The following MCM9 variants were observed in gnomAD, a reference collection of about 807,000 sequenced individuals.
MCM9 encodes minichromosome maintenance 9 homologous recombination repair factor.
In MCM9, 55 loss-of-function variants were observed where a neutral mutation model predicts 72.8. The ratio of observed to expected loss-of-function variants is 0.76; its 90% CI spans 0.61 to 0.95. The LOEUF is 0.95. MCM9 is among the 40% of genes least tolerant of loss of function. The pLI is 0.00. For missense variants in MCM9, 1,279 were observed against 1,377.0 expected, an observed-to-expected ratio of 0.93 and a Z score of 1.13; for synonymous variants, 480 against 503.4, an observed-to-expected ratio of 0.95 and a Z score of 0.62.
At chr6:118,891,330 T>G (rs1778927022) in intron 8 of MCM9, among the ~76,000 whole-genome samples, 1 of 152,180 alleles carries the variant, frequency 6.6e-6, no homozygotes. Context: ...TAAGATTAGA[T>G]GCTCAAATAA....
At chr6:118,847,653 A>G (rs984915711) in intron 9 of MCM9, among the ~76,000 whole-genome samples, 1 of 151,810 alleles carries the variant, frequency 6.6e-6, no homozygotes, top group Non-Finnish European at 1.5e-5. Flanking sequence ...AAAACAAAAC[A>G]AAGAACTGAA....
At chr6:118,893,337 G>T (rs1779073075) in intron 8 of MCM9, among the ~76,000 whole-genome samples, 1 of 152,010 alleles carries the variant, frequency 6.6e-6, no homozygotes, top group South Asian at 2.1e-4. Flanking sequence ...TCTCTATTAC[G>T]TTTGTTGCCC....
chr6:118,919,473 G>A (rs527904798), intron 5 of MCM9: 7 of 152,010 alleles, frequency 4.6e-5, no homozygotes, highest in Non-Finnish European at 7.4e-5. Flanking sequence ...TCTAGAAGAC[G>A]GCAAGTGCTC....
intron 1 of MCM9, among the ~76,000 whole-genome samples, chr6:118,933,783 C>G (rs1782655982): frequency 6.6e-6 from 1 of 151,996 alleles, no homozygotes; most frequent in Non-Finnish European, 1.5e-5. Context: ...GGTCAAGAAT[C>G]CTGACCACTA....
chr6:118,843,720 G>GTATATATATATATATATATGTA, intron 9 of MCM9, among the ~76,000 whole-genome samples: 1 of 102,006 alleles, frequency 9.8e-6, no homozygotes, highest in South Asian at 3.1e-4. Flanking sequence ...ATATATATAT[G>GTATATATATATATATATATGTA]TATATATATA....
At chr6:118,921,916 A>T in intron 5 of MCM9, 89 bp downstream of exon 5, 1 of 944,348 alleles carries the variant, frequency 1.1e-6, no homozygotes, top group Non-Finnish European at 1.6e-6. Context: ...TTCCCTTGCC[A>T]GTGATCTTGG....
intron 3 of MCM9, among the ~76,000 whole-genome samples, chr6:118,925,182 TG>T (rs1781790057): frequency 1.3e-5 from 2 of 152,114 alleles, no homozygotes; most frequent in Non-Finnish European, 2.9e-5. Context: ...AATGCACCAT[TG>T]GGGTGGAAAG....
At chr6:118,880,636 T>C (rs1273206321) in intron 8 of MCM9, among the ~76,000 whole-genome samples, 4 of 152,222 alleles carry the variant, frequency 2.6e-5, no homozygotes, top group Non-Finnish European at 5.9e-5. Flanking sequence ...CTCTGTCTTA[T>C]GAGAGGCAAG....
At chr6:118,847,593 G>A (rs1775959989) in intron 9 of MCM9, among the ~76,000 whole-genome samples, 1 of 151,586 alleles carries the variant, frequency 6.6e-6, no homozygotes. Context: ...GGTTGCTGCA[G>A]AGCCTAGGAA....
At position 118,931,596 on chromosome 6, in the gene MCM9, T is replaced by C. The variant is rs1433841783; in HGVS notation, c.128A>G (p.Asn43Ser). 1 of 1,614,184 alleles carries C rather than the reference T, an allele frequency of 6.2e-7. No individual in the cohort carries two copies. The highest frequency in any genetic ancestry group is 1.7e-5 in the Admixed American group (1 of 60,018). ...DEDAHYPVVV[N>S]AMTLFETNME... Reference sequence around the variant, plus strand: ...GTTGGTCTCAAACAGAGTCATGGCATTAACCACAACTGGGTAATGAGCATC... The same window carrying C: ...GTTGGTCTCAAACAGAGTCATGGCACTAACCACAACTGGGTAATGAGCATC... The change falls in exon 3 of 14, where the codon AAT (asparagine) becomes AGT (serine). Residue 43 changes from asparagine (N) to serine (S), a missense_variant. Transcript: ENST00000619706.
intron 8 of MCM9, among the ~76,000 whole-genome samples, chr6:118,860,377 A>C (rs1010061621): frequency 6.6e-6 from 1 of 152,146 alleles, no homozygotes; most frequent in Non-Finnish European, 1.5e-5. Flanking sequence ...GGCTGGACAC[A>C]TCTGAAGAAA....
chr6:118,826,386 C>A, intron 12 of MCM9, 94 bp from the exon 13 acceptor site: 1 of 1,321,186 alleles, frequency 7.6e-7, no homozygotes, highest in Non-Finnish European at 1.0e-6. Context: ...GGGCTAAGAC[C>A]GCCGTTTACA....
chr6:118,869,753 C>G (rs1218193429), intron 8 of MCM9, among the ~76,000 whole-genome samples: 1 of 151,944 alleles, frequency 6.6e-6, no homozygotes, highest in Non-Finnish European at 1.5e-5. Flanking sequence ...AGGATGCCTA[C>G]AAGAGACTCA....
At chr6:118,928,723 A>G (rs1782118018) in intron 3 of MCM9, among the ~76,000 whole-genome samples, 1 of 151,240 alleles carries the variant, frequency 6.6e-6, no homozygotes, top group East Asian at 2.0e-4. Context: ...GTGGTGGCAC[A>G]TGCCTGTAGT....
In MCM9 at chr6:118,816,046, T is replaced by G; in HGVS notation, c.2210A>C (p.Asn737Thr). 1.3e-6 allele frequency: 2 copies of G among 1,550,406 alleles called. No homozygotes were observed. Among genetic ancestry groups the G allele is most frequent in the South Asian group, 2.4e-5 (2 of 84,040 alleles). ...SRKHSAQHKN[N>T]RDDSLDWFDF... ...AAACCAATCTAAACTGTCATCTCTGTTATTTTTGTGCTGAGCTGAATGTTT... is the reference window on the plus strand; with the variant it reads ...AAACCAATCTAAACTGTCATCTCTGGTATTTTTGTGCTGAGCTGAATGTTT... Residue 737 changes from asparagine to threonine, a missense_variant, in exon 14 of 14, where the codon AAC becomes ACC. Transcript: ENST00000619706.
Position 118,833,267 on chromosome 6 carries a change from A to G in MCM9, c.1326-4017T>C, listed in dbSNP as rs148447272. 1.8e-3 allele frequency among the ~76,000 whole-genome samples: 278 copies of G among 152,350 alleles called. 1 individual carries two copies. The highest frequency in any genetic ancestry group is 0.01 in the South Asian group (50 of 4,828). On this transcript the variant is annotated intron_variant, in intron 9 of 13. Coordinates refer to ENST00000619706, the MANE Select transcript of MCM9 (RefSeq NM_017696.3). ...ACTGACCAATCTTCAAAGAGAAATG[A>G]AAAGCAATGAAGACATCTCAGAAAT...
rs145862829 is a variant in MCM9, at chr6:118,845,364, C to T, written c.1325+11007G>A. On this transcript the variant is annotated intron_variant, in intron 9 of 13. Transcript: ENST00000619706. ...TTATGTTACAGTAGAACAGTAGTTA[C>T]GGAGAGTTCAGTAATGTGCTCAGCT... is the stretch of plus-strand genomic sequence containing the variant. Among the ~76,000 whole-genome samples the T allele has an allele frequency of 7.2e-5, 11 of 151,860 alleles. No individual in the cohort carries two copies. The East Asian group carries it at 1.7e-3, about 24-fold the overall frequency.
intron 3 of MCM9, 113 bp from the exon 4 acceptor site, chr6:118,924,240 A>G: frequency 1.0e-6 from 1 of 980,476 alleles, no homozygotes; most frequent in South Asian, 1.6e-5. Context: ...GGGGAAAAAA[A>G]AGATTGTGTT....
chr6:118,845,451 A>G (rs1775794768), intron 9 of MCM9, among the ~76,000 whole-genome samples: 1 of 151,864 alleles, frequency 6.6e-6, no homozygotes, highest in Non-Finnish European at 1.5e-5. Flanking sequence ...TCTGCCCTCA[A>G]TTATTACAGT....
Sources: allele counts gnomAD v4.1 joint callset (sites outside exome capture counted in the v4.1 genomes callset), GRCh38; gene constraint gnomAD v4.1.1; transcripts MANE v1.5; gene names NCBI Gene and HGNC (gene_info 2026-07-23, HGNC 2026-07-21).